The following TOGARAM1 variants were observed in gnomAD, a reference collection of about 807,000 sequenced individuals.
TOGARAM1 encodes the protein TOG array regulator of axonemal microtubules protein 1.
TOGARAM1 carries 100 observed loss-of-function variants against 166.6 expected under a neutral mutation model. That is an observed-to-expected ratio of 0.60 (90% confidence interval 0.51 to 0.71). The LOEUF is 0.71. TOGARAM1 is among the 30% of genes least tolerant of loss of function. The probability of loss-of-function intolerance (pLI) is 0.00; values close to 1 mark genes in which losing one functional copy is unlikely to be tolerated. For synonymous variants in TOGARAM1, 758 were observed against 763.8 expected (o/e 0.99, Z 0.13); for missense variants, 2,029 against 2,102.7 (o/e 0.96, Z 0.69).
In TOGARAM1 at chr14:44,963,602, G is replaced by T. The variant is rs752454017; in HGVS notation, c.1181G>T (p.Gly394Val). The T allele has an allele frequency of 3.7e-6, 6 of 1,613,498 alleles. No individual in the cohort carries two copies. The highest frequency in any genetic ancestry group is 5.1e-6 in the Non-Finnish European group (6 of 1,179,832). ...PSSTPHSSLV[G>V]FISLLYNLLD... is the part of the protein sequence containing the mutation. ...TCTACTCCTCATTCTAGTCTTGTTGGCTTCATTAGTTTGCTATATAATTTG... is the reference window on the plus strand; with the variant it reads ...TCTACTCCTCATTCTAGTCTTGTTGTCTTCATTAGTTTGCTATATAATTTG... Residue 394 changes from glycine (G) to valine (V), a missense_variant, in exon 1 of 20, where the codon GGC (glycine) becomes GTC (valine). Physicochemically the swap from Gly to Val is moderately radical, Grantham distance 109. Transcript: ENST00000361462.
intron 1 of TOGARAM1, among the ~76,000 whole-genome samples, chr14:44,981,072 A>G (rs1315305340): frequency 1.3e-5 from 2 of 152,208 alleles, no homozygotes; most frequent in African/African-American, 4.8e-5. Flanking sequence ...ATTTGAACAA[A>G]GTAACTAAAC....
At chr14:45,048,882 CAGG>C (rs1420956714) in intron 14 of TOGARAM1, among the ~76,000 whole-genome samples, 4 of 151,896 alleles carry the variant, frequency 2.6e-5, no homozygotes, top group African/African-American at 4.8e-5. Flanking sequence ...GAGGCTGAAG[CAGG>C]AGAATTGCTT....
intron 11 of TOGARAM1, among the ~76,000 whole-genome samples, chr14:45,038,712 C>G (rs1036761404): frequency 6.6e-6 from 1 of 152,162 alleles, no homozygotes; most frequent in Non-Finnish European, 1.5e-5. Flanking sequence ...CTCACCTTCT[C>G]GTTGCCCACA....
intron 7 of TOGARAM1, among the ~76,000 whole-genome samples, chr14:45,015,307 AAAATAAATAAAT>A (rs34431693): frequency 0.052 from 7,655 of 146,712 alleles, 488 homozygotes; most frequent in African/African-American, 0.15. Context: ...CCTATCTCAA[AAAATAAATAAAT>A]AAATAAATAA....
At chr14:45,028,069 A>G in intron 9 of TOGARAM1, 107 bp from the exon 10 acceptor site, 1 of 853,126 alleles carries the variant, frequency 1.2e-6, no homozygotes, top group East Asian at 2.6e-5. Flanking sequence ...GACACACTTA[A>G]GTAGTGACAG....
intron 13 of TOGARAM1, among the ~76,000 whole-genome samples, chr14:45,045,573 ATATATATATATGTGTGTG>A (rs1248802725): frequency 0.012 from 477 of 39,376 alleles, 3 homozygotes; most frequent in South Asian, 0.032. Flanking sequence ...ATATATATAT[ATATATATATATGTGTGTG>A]TGTGTGTGTG....
chr14:45,009,581 T>C (rs530274066), intron 6 of TOGARAM1, among the ~76,000 whole-genome samples: 2 of 152,344 alleles, frequency 1.3e-5, no homozygotes, highest in Admixed American at 6.5e-5. Context: ...TATATCTTAT[T>C]TCCATTATCT....
chr14:45,011,204 T>G, intron 6 of TOGARAM1, among the ~76,000 whole-genome samples: 1 of 152,342 alleles, frequency 6.6e-6, no homozygotes, highest in South Asian at 2.1e-4. Context: ...TTTACCAAAC[T>G]TACTCATTGC....
At chr14:44,974,703 G>C (rs1009866067) in intron 1 of TOGARAM1, among the ~76,000 whole-genome samples, 1 of 151,804 alleles carries the variant, frequency 6.6e-6, no homozygotes, top group East Asian at 1.9e-4. Flanking sequence ...TTTATGGTTG[G>C]CATAAAATAT....
chr14:45,052,580 G>A lies in TOGARAM1; in HGVS notation c.4440+18G>A, dbSNP rs767951653. ...AGCAAAAGGTATGTGGGAAAAGTTT[G>A]TTTTATAAACAGCTTTATAAGCAAA... On this transcript the variant is annotated intron_variant, in intron 15 of 19. Coordinates refer to ENST00000361462, the MANE Select transcript of TOGARAM1 (RefSeq NM_001308120.2). 2 of 1,575,974 alleles carry A rather than the reference G, an allele frequency of 1.3e-6. No homozygotes were observed. The highest frequency in any genetic ancestry group is 2.3e-5 in the South Asian group (2 of 86,750).
intron 1 of TOGARAM1, among the ~76,000 whole-genome samples, chr14:44,975,643 T>G (rs1886138466): frequency 6.6e-6 from 1 of 152,068 alleles, no homozygotes; most frequent in Non-Finnish European, 1.5e-5. Context: ...ATTTTTGTAT[T>G]TTTAGTGGAG....
intron 4 of TOGARAM1, among the ~76,000 whole-genome samples, chr14:45,005,748 T>A (rs1007228248): frequency 2.0e-5 from 3 of 152,264 alleles, no homozygotes; most frequent in Non-Finnish European, 2.9e-5. Flanking sequence ...GTTCAATTTA[T>A]GGCATATTCA....
chr14:44,999,282 C>G, intron 2 of TOGARAM1, 81 bp from the exon 3 acceptor site: 2 of 1,382,714 alleles, frequency 1.4e-6, no homozygotes, highest in Non-Finnish European at 1.9e-6. Flanking sequence ...CTAAATTACA[C>G]CAACATTTAT....
intron 1 of TOGARAM1, among the ~76,000 whole-genome samples, chr14:44,964,668 T>C (rs1885413206): frequency 6.6e-6 from 1 of 151,104 alleles, no homozygotes; most frequent in African/African-American, 2.5e-5. Flanking sequence ...GCTTGATAGA[T>C]TTAATTAAAT....
rs10131615 is a variant in TOGARAM1 at position 45,052,380 on chromosome 14, C to T, written c.4314-56C>T. 1.4e-3 allele frequency: 2,092 copies of T among 1,494,184 alleles called. 2 individuals carry two copies. Among genetic ancestry groups the T allele is most frequent in the Non-Finnish European group, 1.6e-3 (1,736 of 1,088,420 alleles). The allele number at this position is 1,494,184 out of a possible 1,614,324, so 92.6% of individuals were successfully genotyped here. On this transcript the variant is annotated intron_variant, in intron 14 of 19. Coordinates refer to ENST00000361462, the MANE Select transcript of TOGARAM1 (RefSeq NM_001308120.2). ...ATTGAAACAATGCATCTAAGGTCAG[C>T]AACTGAGCTTATTAATGTCTAAAAA...
chr14:45,029,328 G>A (rs142357839), intron 10 of TOGARAM1, among the ~76,000 whole-genome samples: 1,629 of 152,238 alleles, frequency 0.011, 36 homozygotes, highest in African/African-American at 0.037. Context: ...AGAAATAGAA[G>A]TACAAGATTA....
chr14:45,057,193 T>A (rs981711373), intron 16 of TOGARAM1, among the ~76,000 whole-genome samples: 1 of 152,186 alleles, frequency 6.6e-6, no homozygotes, highest in African/African-American at 2.4e-5. Context: ...TCCTAATGTC[T>A]CCTTTCTGAT....
chr14:45,059,066 G>C (rs1027913330), intron 16 of TOGARAM1, among the ~76,000 whole-genome samples: 1 of 151,930 alleles, frequency 6.6e-6, no homozygotes, highest in African/African-American at 2.4e-5. Flanking sequence ...TGACCTCTTT[G>C]TTCTGTTTTT....
chr14:45,018,340 A>G (rs900345403), intron 7 of TOGARAM1, among the ~76,000 whole-genome samples: 3 of 152,084 alleles, frequency 2.0e-5, no homozygotes, highest in African/African-American at 7.2e-5. Context: ...CATGGGTTCA[A>G]GTGATTCTCG....
Sources: gnomAD v4.1 joint callset for allele counts (sites outside exome capture counted in the v4.1 genomes callset) on GRCh38, gnomAD v4.1.1 for gene constraint, MANE v1.5 for transcripts, NCBI Gene and HGNC (gene_info 2026-07-23, HGNC 2026-07-21) for gene names.